The following C2CD5 variants were observed in gnomAD, a reference collection of about 807,000 sequenced individuals.
C2CD5 encodes the protein C2 calcium dependent domain containing 5.
C2CD5 carries 109 observed loss-of-function variants against 130.3 expected under a neutral mutation model. The observed-to-expected ratio is 0.84, with a 90% CI of 0.72 to 0.98. C2CD5 has a LOEUF of 0.98. Among genes scored for constraint, C2CD5 ranks in the 50% least tolerant of loss-of-function variants. The pLI is 0.00. For synonymous variants in C2CD5, 454 were observed against 429.2 expected (o/e 1.06, Z -0.71); for missense variants, 996 against 1,261.8 (o/e 0.79, Z 3.19).
intron 4 of C2CD5, among the ~76,000 whole-genome samples, chr12:22,527,446 G>A (rs11613934): frequency 0.091 from 13,783 of 150,640 alleles, 858 homozygotes; most frequent in African/African-American, 0.18. Context: ...ACCCTCCCAA[G>A]TAGCTGGGAT....
chr12:22,500,738 C>T (rs1947667087), intron 10 of C2CD5, among the ~76,000 whole-genome samples: 1 of 152,064 alleles, frequency 6.6e-6, no homozygotes, highest in South Asian at 2.1e-4. Context: ...TAACATTTTC[C>T]TATAACTTTC....
At chr12:22,521,771 T>C (rs1417486746) in intron 7 of C2CD5, among the ~76,000 whole-genome samples, 2 of 152,168 alleles carry the variant, frequency 1.3e-5, no homozygotes, top group East Asian at 1.9e-4. Flanking sequence ...CTTCCTCTTA[T>C]GAATAAAATT....
intron 25 of C2CD5, among the ~76,000 whole-genome samples, chr12:22,455,284 T>C (rs1251956712): frequency 6.6e-6 from 1 of 152,198 alleles, no homozygotes; most frequent in African/African-American, 2.4e-5. Context: ...GATGACACAG[T>C]AGCTACAGAG....
In C2CD5 at chr12:22,496,399, A is replaced by G. The variant is rs549492900; in HGVS notation, c.1148-3062T>C. On this transcript the variant is annotated intron_variant, in intron 10 of 26. Transcript: ENST00000446597. Reference sequence around the variant, plus strand: ...TAAAAAGTACAAAATTGAGGATACTATACTAACATAAATGCAAACAGAGTC... The same window carrying G: ...TAAAAAGTACAAAATTGAGGATACTGTACTAACATAAATGCAAACAGAGTC... 2.7e-3 allele frequency among the ~76,000 whole-genome samples: 418 copies of G among 152,160 alleles called. 4 individuals are homozygous for G. Among genetic ancestry groups the G allele is most frequent in the African/African-American group, 9.8e-3 (407 of 41,570 alleles).
intron 22 of C2CD5, among the ~76,000 whole-genome samples, chr12:22,460,329 G>T (rs1940849450): frequency 1.3e-5 from 2 of 152,248 alleles, no homozygotes; most frequent in African/African-American, 4.8e-5. Flanking sequence ...ACAACTAAAA[G>T]AATAGTCCTG....
At chr12:22,477,832 TACC>T (rs1460107681) in intron 15 of C2CD5, among the ~76,000 whole-genome samples, 1 of 152,190 alleles carries the variant, frequency 6.6e-6, no homozygotes, top group Non-Finnish European at 1.5e-5. Context: ...TTCACATTTT[TACC>T]ACCAATAAGA....
chr12:22,523,666 C>T (rs1442562158), intron 6 of C2CD5, 42 bp from the exon 7 acceptor site: 4 of 1,395,738 alleles, frequency 2.9e-6, no homozygotes, highest in East Asian at 2.3e-5. Context: ...TGTAGCTTTA[C>T]ATTACATACT....
chr12:22,478,044 C>G (rs532514732), intron 15 of C2CD5: 28 of 399,638 alleles, frequency 7.0e-5, no homozygotes, highest in African/African-American at 5.6e-4. Context: ...CACACACACA[C>G]TCACAAAGAT....
intron 9 of C2CD5, chr12:22,512,708 AAAAGAG>A: frequency 6.8e-7 from 1 of 1,471,280 alleles, no homozygotes; most frequent in Non-Finnish European, 9.0e-7. Flanking sequence ...TTAAAAAAAA[AAAAGAG>A]AGAGAGAGAA....
At chr12:22,460,397 T>C (rs1401716330) in intron 22 of C2CD5, 2 of 152,202 alleles carry the variant, frequency 1.3e-5, no homozygotes, top group South Asian at 2.1e-4. Flanking sequence ...CTTAGTATAG[T>C]ATAGTTTAAG....
At chr12:22,537,712 G>A (rs1358930820) in intron 2 of C2CD5, among the ~76,000 whole-genome samples, 1 of 152,106 alleles carries the variant, frequency 6.6e-6, no homozygotes, top group Non-Finnish European at 1.5e-5. Flanking sequence ...GATTGTAAGT[G>A]AGCATTACAT....
At position 22,470,829 on chromosome 12, in the gene C2CD5, T is replaced by C. The variant is rs1366265709; in HGVS notation, c.2441A>G (p.Gln814Arg). The C allele has an allele frequency of 1.2e-6, 2 of 1,601,928 alleles. No homozygotes were observed. The highest frequency in any genetic ancestry group is 2.2e-5 in the East Asian group (1 of 44,760). ...CCTATTCAGTAAAGATTTACCTCTT[T>C]GCAATGACTTTTCAACAGGGGTTTT... ...TTKTPVEKSL[Q>R]RASTDNEELL... The change falls in exon 21 of 27, where the codon CAA becomes CGA. Residue 814 changes from glutamine to arginine, a missense_variant. Gln to Arg is a conservative substitution (Grantham distance 43). This residue lies in a region of C2CD5 where 590 missense variants were observed against 631.4 expected (regional missense o/e 0.93). Transcript: ENST00000446597.
At chr12:22,525,319 C>G (rs1950628384) in intron 5 of C2CD5, among the ~76,000 whole-genome samples, 1 of 152,136 alleles carries the variant, frequency 6.6e-6, no homozygotes, top group Non-Finnish European at 1.5e-5. Context: ...TATTTTGGGA[C>G]AGCACCATAG....
At chr12:22,458,440 T>G in intron 24 of C2CD5, 44 bp downstream of exon 24, 2 of 891,910 alleles carry the variant, frequency 2.2e-6, no homozygotes, top group Non-Finnish European at 3.0e-6. Flanking sequence ...AAATCAGGGA[T>G]ATGTTTCTCA....
chr12:22,534,872 G>A (rs1383115178), intron 3 of C2CD5: 5 of 156,166 alleles, frequency 3.2e-5, no homozygotes, highest in East Asian at 1.9e-4. Context: ...CACTGTGAAT[G>A]TAATTAATGC....
intron 10 of C2CD5, among the ~76,000 whole-genome samples, chr12:22,494,349 CA>C (rs1175020799): frequency 1.3e-5 from 2 of 151,794 alleles, no homozygotes; most frequent in East Asian, 3.8e-4. Context: ...ATCTAAAAAC[CA>C]AAAAATCCAA....
At chr12:22,491,440 T>G (rs191402523) in intron 11 of C2CD5, among the ~76,000 whole-genome samples, 14 of 152,302 alleles carry the variant, frequency 9.2e-5, no homozygotes, top group Admixed American at 9.2e-4. Flanking sequence ...AGTTACTTCA[T>G]TGACATTTTC....
chr12:22,504,644 T>C (rs1294962484), intron 10 of C2CD5, among the ~76,000 whole-genome samples: 1 of 152,172 alleles, frequency 6.6e-6, no homozygotes, highest in Non-Finnish European at 1.5e-5. Flanking sequence ...CATCTAGTAA[T>C]TAAATATACT....
chr12:22,526,804 T>A (rs1386571635), intron 4 of C2CD5, among the ~76,000 whole-genome samples: 2 of 152,268 alleles, frequency 1.3e-5, no homozygotes, highest in African/African-American at 2.4e-5. Flanking sequence ...ATATTTTCAC[T>A]TGACTGTCCT....
Sources: gnomAD v4.1 joint callset for allele counts (sites outside exome capture counted in the v4.1 genomes callset) on GRCh38, gnomAD v4.1.1 for gene constraint, gnomAD v4.1.1 regional missense constraint, MANE v1.5 for transcripts, NCBI Gene and HGNC (gene_info 2026-07-23, HGNC 2026-07-21) for gene names.